KIAA0825: variants seen among roughly 807,000 people sequenced by gnomAD.
The protein encoded by KIAA0825 is uncharacterized protein KIAA0825.
A neutral mutation model predicts 147.6 loss-of-function variants in KIAA0825; 119 were observed. The observed-to-expected ratio is 0.81, with a 90% CI of 0.69 to 0.94. The LOEUF is 0.94. Ranked by LOEUF, KIAA0825 falls within the 40% of genes least tolerant of loss-of-function variation. KIAA0825 has a pLI of 0.00. For synonymous variants in KIAA0825, 470 were observed against 518.1 expected (o/e 0.91, Z 1.26); for missense variants, 1,381 against 1,472.7 (o/e 0.94, Z 1.02).
At chr5:94,488,073 G>GC (rs769679292) in intron 5 of KIAA0825, among the ~76,000 whole-genome samples, 2 of 152,162 alleles carry the variant, frequency 1.3e-5, no homozygotes, top group African/African-American at 2.4e-5. Flanking sequence ...ACAGGCATCC[G>GC]CCACCAAACC....
chr5:94,180,999 G>A (rs1769562480), intron 20 of KIAA0825, among the ~76,000 whole-genome samples: 1 of 152,040 alleles, frequency 6.6e-6, no homozygotes. Context: ...CTGACAACAG[G>A]TTTACTGATA....
At chr5:94,284,739 A>G (rs889604607) in intron 20 of KIAA0825, among the ~76,000 whole-genome samples, 1 of 152,080 alleles carries the variant, frequency 6.6e-6, no homozygotes, top group Non-Finnish European at 1.5e-5. Context: ...CAGTCTGCCA[A>G]TAATGGCTCC....
intron 2 of KIAA0825, among the ~76,000 whole-genome samples, chr5:94,565,383 C>G (rs1778528293): frequency 6.8e-6 from 1 of 146,544 alleles, no homozygotes; most frequent in African/African-American, 2.5e-5. Context: ...CCTTTTGTTG[C>G]CCAGGCTGGG....
intron 20 of KIAA0825, among the ~76,000 whole-genome samples, chr5:94,218,161 G>A (rs1773365360): frequency 1.3e-5 from 2 of 152,140 alleles, no homozygotes; most frequent in Admixed American, 1.3e-4. Context: ...ACATCAAAAA[G>A]CAAATATTGG....
At chr5:94,523,597 A>G (rs538781515) in intron 4 of KIAA0825, among the ~76,000 whole-genome samples, 6 of 151,704 alleles carry the variant, frequency 4.0e-5, no homozygotes, top group South Asian at 4.1e-4. Context: ...TACAAAACAT[A>G]ATGAATATGA....
chr5:94,403,366 G>T (rs1584390559), intron 16 of KIAA0825, among the ~76,000 whole-genome samples: 1 of 152,230 alleles, frequency 6.6e-6, no homozygotes, highest in South Asian at 2.1e-4. Context: ...TAAAGACTAT[G>T]ACCATTTGAA....
At chr5:94,521,212 A>G (rs73145053) in intron 4 of KIAA0825, among the ~76,000 whole-genome samples, 1,751 of 151,932 alleles carry the variant, frequency 0.012, 34 homozygotes, top group African/African-American at 0.039. Flanking sequence ...CCTGAGCTGT[A>G]TAAAAACTCT....
intron 15 of KIAA0825, among the ~76,000 whole-genome samples, chr5:94,411,900 T>C (rs1208673985): frequency 2.0e-5 from 3 of 151,998 alleles, no homozygotes; most frequent in African/African-American, 7.2e-5. Flanking sequence ...TGAGCCAAGA[T>C]TGCCCGACTG....
chr5:94,531,493 G>A (rs1770794183), intron 3 of KIAA0825, among the ~76,000 whole-genome samples: 1 of 152,190 alleles, frequency 6.6e-6, no homozygotes, highest in Admixed American at 6.5e-5. Context: ...AAATATGAAT[G>A]GGGCCAGAAA....
chr5:94,167,282 T>A (rs1398614841), intron 20 of KIAA0825, among the ~76,000 whole-genome samples: 1 of 152,218 alleles, frequency 6.6e-6, no homozygotes, highest in Admixed American at 6.5e-5. Context: ...AATTGAGAAA[T>A]CAACATTGTT....
rs1470227295 is a variant in KIAA0825, at chr5:94,439,912, A to G, written c.2497+70T>C. 3 of 1,451,930 alleles carry G rather than the reference A, an allele frequency of 2.1e-6. No individual in the cohort carries two copies. The African/African-American group carries it at 4.3e-5, about 21-fold the overall frequency. The allele number at this position is 1,451,930 out of a possible 1,614,324, so 89.9% of individuals were successfully genotyped here. A position where few individuals can be genotyped will look rare whatever the true frequency, so the allele number is the denominator to read the frequency against. Reference sequence around the variant, plus strand: ...ATCTTTCTTCCAATGTTTGCCTAGGAAAAAAATGTTATTCAACTCGAGCAA... The same window carrying G: ...ATCTTTCTTCCAATGTTTGCCTAGGGAAAAAATGTTATTCAACTCGAGCAA... On this transcript the variant is annotated intron_variant, in intron 14 of 20. Transcript: ENST00000682413.
At chr5:94,305,628 T>G (rs1778675071) in intron 20 of KIAA0825, among the ~76,000 whole-genome samples, 2 of 151,966 alleles carry the variant, frequency 1.3e-5, no homozygotes, top group South Asian at 4.1e-4. Flanking sequence ...TGTAACAAAA[T>G]CTCACTAACT....
intron 20 of KIAA0825, among the ~76,000 whole-genome samples, chr5:94,327,568 A>G (rs1240778739): frequency 1.3e-5 from 2 of 152,184 alleles, no homozygotes; most frequent in Admixed American, 1.3e-4. Flanking sequence ...AGTCCCGGTA[A>G]AGTGGCACAC....
chr5:94,544,131 T>C (rs1365616424), intron 2 of KIAA0825, among the ~76,000 whole-genome samples: 4 of 152,236 alleles, frequency 2.6e-5, no homozygotes, highest in Admixed American at 6.5e-5. Context: ...TAGGGACCTC[T>C]TTCCTGTAAC....
At chr5:94,613,347 C>T (rs747481420) in intron 1 of KIAA0825, among the ~76,000 whole-genome samples, 66 of 152,162 alleles carry the variant, frequency 4.3e-4, no homozygotes, top group Non-Finnish European at 3.4e-4. Context: ...CATGTGCCCA[C>T]GACCACACCC....
At chr5:94,502,072 T>C (rs1765158602) in intron 5 of KIAA0825, among the ~76,000 whole-genome samples, 1 of 152,170 alleles carries the variant, frequency 6.6e-6, no homozygotes. Flanking sequence ...ATGTGCATTA[T>C]TGTGTAAGGG....
intron 5 of KIAA0825, among the ~76,000 whole-genome samples, chr5:94,498,006 TG>T (rs1264122435): frequency 3.9e-5 from 6 of 151,926 alleles, no homozygotes; most frequent in Non-Finnish European, 7.4e-5. Flanking sequence ...GGCAGTGGGG[TG>T]GGGGAAATAT....
intron 20 of KIAA0825, among the ~76,000 whole-genome samples, chr5:94,326,953 G>T (rs1780754607): frequency 6.6e-6 from 1 of 152,176 alleles, no homozygotes; most frequent in Non-Finnish European, 1.5e-5. Flanking sequence ...TTTCTAGACA[G>T]AAGCTGACCC....
At chr5:94,555,712 T>C (rs1185123955) in intron 2 of KIAA0825, among the ~76,000 whole-genome samples, 1 of 152,210 alleles carries the variant, frequency 6.6e-6, no homozygotes, top group South Asian at 2.1e-4. Flanking sequence ...TTAATAACTT[T>C]ATAATTTTCA....
Sources: allele counts gnomAD v4.1 joint callset (sites outside exome capture counted in the v4.1 genomes callset), GRCh38; gene constraint gnomAD v4.1.1; transcripts MANE v1.5; gene names NCBI Gene and HGNC (gene_info 2026-07-23, HGNC 2026-07-21).